Variants in TSEN15 observed in about 807,000 individuals in gnomAD.
The protein encoded by TSEN15 is tRNA splicing endonuclease subunit 15.
A neutral mutation model predicts 20.5 loss-of-function variants in TSEN15; 10 were observed. The observed-to-expected ratio is 0.49, with a 90% CI of 0.30 to 0.83. TSEN15 has a LOEUF of 0.83. Among genes scored for constraint, TSEN15 ranks in the 40% least tolerant of loss-of-function variants. The probability of loss-of-function intolerance (pLI) is 0.06; values close to 1 mark genes in which losing one functional copy is unlikely to be tolerated. For synonymous variants in TSEN15, 72 were observed against 80.1 expected (o/e 0.90, Z 0.54); for missense variants, 180 against 218.6 (o/e 0.82, Z 1.11).
Position 184,072,812 on chromosome 1 carries a change from C to G in TSEN15, c.496-15C>G, listed in dbSNP as rs747206197. On this transcript the variant is annotated splice_polypyrimidine_tract_variant and intron_variant, in intron 4 of 4. Transcript: ENST00000645668. ...TTATCGGAGAAAAGTCCATCCTGATCTTTTTTTTTTCCAGAATATTTCTCT... is the reference window on the plus strand; with the variant it reads ...TTATCGGAGAAAAGTCCATCCTGATGTTTTTTTTTTCCAGAATATTTCTCT... 3 of 1,433,524 alleles carry G rather than the reference C, an allele frequency of 2.1e-6. No individual in the cohort carries two copies. In the Admixed American group the frequency reaches 5.8e-5, roughly 28 times the overall value. 88.8% of individuals were successfully genotyped at this position (1,433,524 alleles called of 1,614,324 possible). A position where few individuals can be genotyped will look rare whatever the true frequency, so the allele number is the denominator to read the frequency against.
At chr1:184,095,150 G>A in intron 3 of TSEN15, 1 of 398,312 alleles carries the variant, frequency 2.5e-6, no homozygotes, top group Non-Finnish European at 4.4e-6. Context: ...CCCATGACTT[G>A]TTTGACTGAA....
chr1:184,061,456 A>G (rs1650451959), intron 3 of TSEN15, among the ~76,000 whole-genome samples: 1 of 152,190 alleles, frequency 6.6e-6, no homozygotes, highest in Non-Finnish European at 1.5e-5. Context: ...AAGAGCATAT[A>G]GCACATAAGG....
intron 3 of TSEN15, among the ~76,000 whole-genome samples, chr1:184,061,645 T>G (rs1261010325): frequency 6.6e-6 from 1 of 152,164 alleles, no homozygotes; most frequent in Non-Finnish European, 1.5e-5. Context: ...CAGAGTGGCA[T>G]GTATATTTAT....
chr1:184,079,786 A>G (rs1279899706), intron 3 of TSEN15, among the ~76,000 whole-genome samples: 1 of 152,284 alleles, frequency 6.6e-6, no homozygotes, highest in Non-Finnish European at 1.5e-5. Flanking sequence ...AATGCAGTCC[A>G]TATAAACTGG....
At chr1:184,072,439 G>C (rs140346547) in intron 4 of TSEN15, 141 bp downstream of exon 4, 4 of 807,588 alleles carry the variant, frequency 5.0e-6, no homozygotes, top group Non-Finnish European at 7.2e-6. Flanking sequence ...TTGATTTTCA[G>C]ACGTCAGAAA....
At chr1:184,075,818 C>A (rs1651047730), downstream of TSEN15, among the ~76,000 whole-genome samples, 1 of 151,526 alleles carries the variant, frequency 6.6e-6, no homozygotes, top group Admixed American at 6.6e-5. Context: ...TGACTTGATT[C>A]ATGCTTTGCT....
At chr1:184,071,960 T>G (rs922946631) in intron 3 of TSEN15, 197 bp from the exon 4 acceptor site, 5 of 469,514 alleles carry the variant, frequency 1.1e-5, no homozygotes, top group African/African-American at 1.0e-4. Context: ...CTTCTGTGAT[T>G]CCAATTATGT....
chr1:184,054,235 C>T, intron 1 of TSEN15, 119 bp from the exon 2 acceptor site: 1 of 586,292 alleles, frequency 1.7e-6, no homozygotes, highest in Non-Finnish European at 2.9e-6. Flanking sequence ...TGCCTTTTAA[C>T]TTCCACTATA....
intron 1 of TSEN15, among the ~76,000 whole-genome samples, chr1:184,053,543 G>C (rs1650129703): frequency 6.6e-6 from 1 of 152,182 alleles, no homozygotes; most frequent in African/African-American, 2.4e-5. Context: ...AAGCTGATGG[G>C]AGAATGTGAC....
intron 3 of TSEN15, among the ~76,000 whole-genome samples, chr1:184,056,192 C>G (rs1004207857): frequency 2.0e-5 from 3 of 152,138 alleles, no homozygotes; most frequent in Non-Finnish European, 4.4e-5. Flanking sequence ...CCTCAATTTA[C>G]TTTTCACCTG....
chr1:184,057,338 A>G (rs1004573851), intron 3 of TSEN15, among the ~76,000 whole-genome samples: 2 of 152,168 alleles, frequency 1.3e-5, no homozygotes, highest in African/African-American at 4.8e-5. Flanking sequence ...GAATGAACAA[A>G]TGAAAACACA....
chr1:184,067,380 A>C (rs1231282381), intron 3 of TSEN15, among the ~76,000 whole-genome samples: 1 of 152,110 alleles, frequency 6.6e-6, no homozygotes, highest in Non-Finnish European at 1.5e-5. Context: ...TTGATTATCT[A>C]CTGTCTGTTT....
intron 3 of TSEN15, among the ~76,000 whole-genome samples, chr1:184,071,396 CTCT>C (rs1650877195): frequency 6.6e-6 from 1 of 151,842 alleles, no homozygotes; most frequent in Non-Finnish European, 1.5e-5. Context: ...TTCCTTTCTC[CTCT>C]TAACTTTATA....
At position 184,073,055 on chromosome 1, in the gene TSEN15, C is replaced by CT. The variant is rs1650951109; in HGVS notation, c.*211dup. 2.0e-5 allele frequency: 11 copies of CT among 554,602 alleles called. No homozygotes were observed. The East Asian group carries it at 3.5e-4, about 17-fold the overall frequency. The allele number at this position is 554,602 out of a possible 1,614,324, so 34.4% of individuals were successfully genotyped here. On this transcript the variant is annotated 3_prime_UTR_variant, in exon 5 of 5. Transcript: ENST00000645668. ...AAAATATAGGGTGATTTCTTTAAAACTTTGTTATCTAGAGACAGTTTAATT... is the reference window on the plus strand; with the variant it reads ...AAAATATAGGGTGATTTCTTTAAAACTTTTGTTATCTAGAGACAGTTTAATT...
chr1:184,077,056 G>A (rs1026070321), downstream of TSEN15, among the ~76,000 whole-genome samples: 1 of 152,106 alleles, frequency 6.6e-6, no homozygotes, highest in Non-Finnish European at 1.5e-5. Flanking sequence ...GGCTTTAAAT[G>A]TAGACAGACG....
At chr1:184,088,989 G>A (rs912289578) in intron 3 of TSEN15, among the ~76,000 whole-genome samples, 1 of 152,208 alleles carries the variant, frequency 6.6e-6, no homozygotes, top group African/African-American at 2.4e-5. Context: ...GGAGTGATGT[G>A]AGTGTACACA....
intron 3 of TSEN15, among the ~76,000 whole-genome samples, chr1:184,063,141 A>G (rs1650527116): frequency 6.6e-6 from 1 of 152,066 alleles, no homozygotes; most frequent in African/African-American, 2.4e-5. Flanking sequence ...AGGACCTCAA[A>G]TAGTGGCATT....
At chr1:184,057,980 T>C (rs1188150148) in intron 3 of TSEN15, among the ~76,000 whole-genome samples, 2 of 152,176 alleles carry the variant, frequency 1.3e-5, no homozygotes, top group African/African-American at 4.8e-5. Context: ...GTAACAAATA[T>C]TGTCCTAGCT....
chr1:184,089,296 A>G (rs1651317011), intron 3 of TSEN15, among the ~76,000 whole-genome samples: 1 of 152,168 alleles, frequency 6.6e-6, no homozygotes, highest in South Asian at 2.1e-4. Flanking sequence ...TTCCTACTGT[A>G]ACCGTCAATG....
Sources: allele counts gnomAD v4.1 joint callset (sites outside exome capture counted in the v4.1 genomes callset), GRCh38; gene constraint gnomAD v4.1.1; transcripts MANE v1.5; gene names NCBI Gene and HGNC (gene_info 2026-07-23, HGNC 2026-07-21).